Variants in LRP2BP observed in about 807,000 individuals in gnomAD.
The protein encoded by LRP2BP is LRP2-binding protein.
Under a neutral mutation model 45.2 loss-of-function variants are expected in LRP2BP, and 38 were observed. The ratio of observed to expected loss-of-function variants is 0.84; its 90% CI spans 0.65 to 1.10. The LOEUF (loss-of-function observed/expected upper bound fraction) is 1.10, where lower values mean the gene tolerates loss of function less well. Ranked by LOEUF, LRP2BP falls within the 50% of genes least tolerant of loss-of-function variation. The pLI is 0.00. For missense variants in LRP2BP, 385 were observed against 418.9 expected, an observed-to-expected ratio of 0.92 and a Z score of 0.71; for synonymous variants, 153 against 153.9, an observed-to-expected ratio of 0.99 and a Z score of 0.04.
At chr4:185,396,866 G>T (rs2095504782), upstream of LRP2BP, 1 of 1,586,998 alleles carries the variant, frequency 6.3e-7, no homozygotes. Flanking sequence ...TCGGGGTGCG[G>T]CGAGTGTCTC....
intron 1 of LRP2BP, chr4:185,378,724 C>G: frequency 2.0e-6 from 2 of 985,808 alleles, no homozygotes; most frequent in Non-Finnish European, 1.2e-6. Context: ...AGATGGATCA[C>G]AGTTGAATGG....
chr4:185,377,826 T>C, intron 2 of LRP2BP: 1 of 360,294 alleles, frequency 2.8e-6, no homozygotes, highest in Non-Finnish European at 5.0e-6. Flanking sequence ...GACATCTGCT[T>C]TCTGTTTTCT....
At chr4:185,379,919 G>A (rs1363500633) in intron 1 of LRP2BP, among the ~76,000 whole-genome samples, 1 of 152,112 alleles carries the variant, frequency 6.6e-6, no homozygotes, top group African/African-American at 2.4e-5. Flanking sequence ...AACCTCTTGG[G>A]CTCAGGTGAT....
chr4:185,384,142 G>T (rs2095463570), intron 1 of LRP2BP, among the ~76,000 whole-genome samples: 1 of 152,130 alleles, frequency 6.6e-6, no homozygotes, highest in South Asian at 2.1e-4. Flanking sequence ...TGACGGGAGG[G>T]TTCTGCTCTT....
Position 185,373,701 on chromosome 4 carries a change from T to C in LRP2BP, c.579+434A>G, listed in dbSNP as rs143523851. ...CTCAGCCCCCATTTCCTTCTCCTTA[T>C]AGGATTTTTTGGAAACTGTTTCAAC... On this transcript the variant is annotated intron_variant, in intron 6 of 8. Coordinates refer to ENST00000505916, the MANE Select transcript of LRP2BP (RefSeq NM_001377440.1). Among the ~76,000 whole-genome samples, 384 of 152,348 alleles carry C rather than the reference T, an allele frequency of 2.5e-3. 2 individuals are homozygous for C. The highest frequency in any genetic ancestry group is 8.8e-3 in the African/African-American group (365 of 41,582).
At position 185,374,068 on chromosome 4, in the gene LRP2BP, C is replaced by CA. The variant is rs199694987; in HGVS notation, c.579+66dup. 1,128 of 1,312,696 alleles carry CA rather than the reference C, an allele frequency of 8.6e-4. 6 individuals are homozygous for CA. In the African/African-American group the frequency reaches 0.012, roughly 14 times the overall value. 81.3% of individuals were successfully genotyped at this position (1,312,696 alleles called of 1,614,324 possible). A position where few individuals can be genotyped will look rare whatever the true frequency, so the allele number is the denominator to read the frequency against. On this transcript the variant is annotated intron_variant, in intron 6 of 8. Coordinates refer to ENST00000505916, the MANE Select transcript of LRP2BP (RefSeq NM_001377440.1). Reference sequence around the variant, plus strand: ...AAAACGACATTCCCCACCATTTTCTCAAAAAAAGCAGTGAAACAAATATTA... The same window carrying CA: ...AAAACGACATTCCCCACCATTTTCTCAAAAAAAAGCAGTGAAACAAATATTA...
intron 1 of LRP2BP, among the ~76,000 whole-genome samples, chr4:185,390,141 A>G (rs2095484268): frequency 6.6e-6 from 1 of 152,206 alleles, no homozygotes; most frequent in African/African-American, 2.4e-5. Context: ...AAGTTTTCGT[A>G]GTGACTTGAC....
chr4:185,374,255 G>C lies in LRP2BP; in HGVS notation c.474-15C>G. 1 of 1,614,114 alleles carries C rather than the reference G, an allele frequency of 6.2e-7. No homozygotes were observed. On this transcript the variant is annotated splice_polypyrimidine_tract_variant and intron_variant, in intron 5 of 8. Transcript: ENST00000505916. Reference sequence around the variant, plus strand: ...TAAGCCACAGTCTACAAGAGAAAGTGAGGCATGTTATTCTCGGTTTCAGCA... The same window carrying C: ...TAAGCCACAGTCTACAAGAGAAAGTCAGGCATGTTATTCTCGGTTTCAGCA...
In LRP2BP at chr4:185,395,670, A is replaced by C. The variant is rs139853810; in HGVS notation, c.-913T>G. The C allele has an allele frequency of 9.1e-6, 9 of 984,946 alleles. No individual in the cohort carries two copies. The highest frequency in any genetic ancestry group is 5.2e-4 in the Middle Eastern group (1 of 1,912). The allele number at this position is 984,946 out of a possible 1,614,324, so 61.0% of individuals were successfully genotyped here. On this transcript the variant is annotated 5_prime_UTR_variant, in exon 1 of 9. Transcript: ENST00000505916. ...AAAACTACCCCTTGGGTAACTAAGTATAACAACATAAACTTGCGATTGCAA... is the reference window on the plus strand; with the variant it reads ...AAAACTACCCCTTGGGTAACTAAGTCTAACAACATAAACTTGCGATTGCAA...
intron 4 of LRP2BP, 101 bp downstream of exon 4, chr4:185,375,512 A>ATATG (rs1386794097): frequency 1.2e-5 from 1 of 86,204 alleles, no homozygotes; most frequent in East Asian, 3.4e-4. Context: ...ATATATATAT[A>ATATG]TATGTATATA....
rs942683406 is a variant in LRP2BP, at chr4:185,395,799, T to G, written c.-1042A>C. On this transcript the variant is annotated 5_prime_UTR_variant, in exon 1 of 9. Coordinates refer to ENST00000505916, the MANE Select transcript of LRP2BP (RefSeq NM_001377440.1). ...TCTAACAGCATAACAATAAACGTAT[T>G]TATTTCTCCGAGCTTTCAAAGGCAT... 1.0e-6 allele frequency: 1 copy of G among 985,278 alleles called. No individual in the cohort carries two copies. The highest frequency in any genetic ancestry group is 1.7e-5 in the African/African-American group (1 of 57,218). 61.0% of individuals were successfully genotyped at this position (985,278 alleles called of 1,614,324 possible). A position where few individuals can be genotyped will look rare whatever the true frequency, so the allele number is the denominator to read the frequency against.
chr4:185,380,190 T>A (rs755083868), intron 1 of LRP2BP, among the ~76,000 whole-genome samples: 26 of 150,600 alleles, frequency 1.7e-4, no homozygotes, highest in Non-Finnish European at 2.9e-4. Context: ...ATATTTATTA[T>A]GTTTTGGGAA....
At chr4:185,370,393 T>C (rs2095410858) in intron 8 of LRP2BP, among the ~76,000 whole-genome samples, 1 of 152,184 alleles carries the variant, frequency 6.6e-6, no homozygotes, top group Non-Finnish European at 1.5e-5. Context: ...AGGCTGCAGA[T>C]AGTAGCAGAA....
At chr4:185,378,907 C>T in intron 1 of LRP2BP, 1 of 985,338 alleles carries the variant, frequency 1.0e-6, no homozygotes, top group Non-Finnish European at 1.2e-6. Context: ...AAACAAGCTT[C>T]CAGCAAAGGT....
intron 8 of LRP2BP, among the ~76,000 whole-genome samples, chr4:185,369,030 G>A (rs2126779774): frequency 6.6e-6 from 1 of 152,110 alleles, no homozygotes. Context: ...TTGGCCTCAG[G>A]TAATCCTCCC....
intron 1 of LRP2BP, chr4:185,379,061 G>C: frequency 1.3e-6 from 1 of 747,318 alleles, no homozygotes; most frequent in Non-Finnish European, 1.6e-6. Context: ...ATTTAGTAGG[G>C]GAAAAAAATC....
At chr4:185,378,397 G>GCCA (rs2095445392) in intron 1 of LRP2BP, 190 bp from the exon 2 acceptor site, 1 of 1,372,644 alleles carries the variant, frequency 7.3e-7, no homozygotes, top group Admixed American at 3.2e-5. Flanking sequence ...CCCTAGCTGA[G>GCCA]AGACAGCCAT....
chr4:185,381,385 C>T (rs2095455680), intron 1 of LRP2BP, among the ~76,000 whole-genome samples: 1 of 152,080 alleles, frequency 6.6e-6, no homozygotes, highest in African/African-American at 2.4e-5. Flanking sequence ...CCTGCTTTTT[C>T]CTGAAAATTT....
chr4:185,392,070 C>T (rs2095489674), intron 1 of LRP2BP, among the ~76,000 whole-genome samples: 1 of 152,218 alleles, frequency 6.6e-6, no homozygotes, highest in Non-Finnish European at 1.5e-5. Context: ...AGAAACTTGG[C>T]TCCCTCCATC....
Sources: allele counts gnomAD v4.1 joint callset (sites outside exome capture counted in the v4.1 genomes callset), GRCh38; gene constraint gnomAD v4.1.1; transcripts MANE v1.5; gene names NCBI Gene and HGNC (gene_info 2026-07-23, HGNC 2026-07-21).